Variants in MYO18B observed in about 807,000 individuals in gnomAD.
MYO18B encodes the protein myosin XVIIIB.
In MYO18B, 204 loss-of-function variants were observed where a neutral mutation model predicts 273.0. The observed-to-expected ratio is 0.75, with a 90% confidence interval of 0.67 to 0.84. The LOEUF (loss-of-function observed/expected upper bound fraction) is 0.84, where lower values mean the gene tolerates loss of function less well. Among genes scored for constraint, MYO18B ranks in the 40% least tolerant of loss-of-function variants. The pLI, the probability that MYO18B is intolerant of heterozygous loss-of-function variation, is 0.00. For missense variants in MYO18B, 3,212 were observed against 3,287.6 expected (o/e 0.98, Z 0.56); for synonymous variants, 1,330 against 1,305.7 (o/e 1.02, Z -0.40).
intron 1 of MYO18B, among the ~76,000 whole-genome samples, chr22:25,748,794 G>A (rs1466181789): frequency 3.9e-5 from 6 of 152,180 alleles, no homozygotes; most frequent in Non-Finnish European, 8.8e-5. Context: ...TTGTGAGCAC[G>A]GTCTGAATCC....
At position 25,961,915 on chromosome 22, in the gene MYO18B, C is replaced by T. The variant is rs142457615; in HGVS notation, c.6156+6551C>T. Among the ~76,000 whole-genome samples, 615 of 152,320 alleles carry T rather than the reference C, an allele frequency of 4.0e-3. 4 individuals are homozygous for T. The highest frequency in any genetic ancestry group is 0.014 in the African/African-American group (591 of 41,572). On this transcript the variant is annotated intron_variant, in intron 39 of 43. Transcript: ENST00000335473. ...AATGGCTGTTGAAAACAGCCTTCCA[C>T]TTCCTCCTCTCTGTCTTGCTTCTGC...
chr22:25,908,251 C>T (rs2092086525), intron 31 of MYO18B, 71 bp from the exon 32 acceptor site: 1 of 1,228,896 alleles, frequency 8.1e-7, no homozygotes, highest in African/African-American at 1.5e-5. Flanking sequence ...ATTGGAATGC[C>T]AAGGATGACA....
intron 33 of MYO18B, among the ~76,000 whole-genome samples, chr22:25,913,494 G>T (rs2092200833): frequency 1.3e-5 from 2 of 152,162 alleles, no homozygotes; most frequent in Non-Finnish European, 2.9e-5. Flanking sequence ...CTCCTGAGTA[G>T]CTGGGACTAC....
At position 25,990,716 on chromosome 22, in the gene MYO18B, AAAAAGAAAAAGAAAAAAAAAAAG is replaced by A. The variant is rs1569270809; in HGVS notation, c.6157-1645_6157-1623del. 8.4e-4 allele frequency among the ~76,000 whole-genome samples: 37 copies of A among 44,298 alleles called. 1 individual carries two copies. The highest frequency in any genetic ancestry group is 4.2e-3 in the African/African-American group (25 of 6,002). 29.1% of individuals were successfully genotyped at this position (44,298 alleles called of 152,430 possible). On this transcript the variant is annotated intron_variant, in intron 39 of 43. Coordinates refer to ENST00000335473, the MANE Select transcript of MYO18B (RefSeq NM_032608.7). Reference sequence around the variant, plus strand: ...AAAAAAAAAAAAAAAAAAAAAAAAAAAAAAGAAAAAGAAAAAAAAAAAGACTCCAGGCTAAGAGAGGGGCTGTG... The same window carrying A: ...AAAAAAAAAAAAAAAAAAAAAAAAAAACTCCAGGCTAAGAGAGGGGCTGTG...
chr22:25,963,678 A>G (rs1415730852), intron 39 of MYO18B, among the ~76,000 whole-genome samples: 1 of 151,420 alleles, frequency 6.6e-6, no homozygotes, highest in Non-Finnish European at 1.5e-5. Context: ...TGAAAAGAGC[A>G]TTGCGCTTGG....
intron 39 of MYO18B, among the ~76,000 whole-genome samples, chr22:25,969,526 T>A (rs1309978704): frequency 6.6e-6 from 1 of 152,196 alleles, no homozygotes; most frequent in African/African-American, 2.4e-5. Context: ...GCTTTGGGGC[T>A]ACAACAGCAG....
At chr22:25,962,356 T>C (rs2092927136) in intron 39 of MYO18B, among the ~76,000 whole-genome samples, 1 of 152,162 alleles carries the variant, frequency 6.6e-6, no homozygotes, top group Non-Finnish European at 1.5e-5. Flanking sequence ...AGAGAAGACT[T>C]TACTTGACTC....
chr22:26,063,181 A>G, the MYO18B span, among the ~76,000 whole-genome samples: 1 of 152,186 alleles, frequency 6.6e-6, no homozygotes, highest in African/African-American at 2.4e-5. Flanking sequence ...GACTTGAATG[A>G]TATTCAGATT....
chr22:25,935,753 C>T (rs1385060592), intron 34 of MYO18B, among the ~76,000 whole-genome samples: 2 of 152,148 alleles, frequency 1.3e-5, no homozygotes, highest in Admixed American at 1.3e-4. Flanking sequence ...CCTCCCTGTC[C>T]AGGTCATTTC....
At chr22:25,797,526 A>G (rs1216586120) in intron 11 of MYO18B, among the ~76,000 whole-genome samples, 2 of 152,146 alleles carry the variant, frequency 1.3e-5, no homozygotes, top group Non-Finnish European at 2.9e-5. Context: ...TAGACCCTAT[A>G]TGGCCTATGT....
chr22:25,766,577 A>T (rs1486810254), intron 3 of MYO18B, among the ~76,000 whole-genome samples: 1 of 152,150 alleles, frequency 6.6e-6, no homozygotes, highest in African/African-American at 2.4e-5. Context: ...AGGAGATAGA[A>T]GAGATATTTG....
chr22:26,003,370 C>G, intron 41 of MYO18B, 61 bp downstream of exon 41: 1 of 1,462,326 alleles, frequency 6.8e-7, no homozygotes, highest in East Asian at 2.4e-5. Flanking sequence ...CTCTCTCTGT[C>G]CAGTTTGCAG....
At chr22:25,824,491 A>G (rs1443816729) in intron 13 of MYO18B, among the ~76,000 whole-genome samples, 2 of 152,176 alleles carry the variant, frequency 1.3e-5, no homozygotes, top group East Asian at 3.9e-4. Flanking sequence ...CAAGGATGTG[A>G]TCTGCTGGGT....
intron 36 of MYO18B, 71 bp from the exon 37 acceptor site, chr22:25,950,296 C>A: frequency 7.5e-7 from 1 of 1,333,864 alleles, no homozygotes; most frequent in Non-Finnish European, 1.0e-6. Flanking sequence ...TAGGGATTTT[C>A]AGGGGTGGTT....
At chr22:25,788,514 A>G (rs1332176264) in intron 11 of MYO18B, among the ~76,000 whole-genome samples, 1 of 152,224 alleles carries the variant, frequency 6.6e-6, no homozygotes, top group Non-Finnish European at 1.5e-5. Flanking sequence ...GGAGTGGACC[A>G]CAAGCTGGTC....
chr22:25,780,053 C>A lies in MYO18B; in HGVS notation c.2069-3C>A. ...ACATGTGGCCCCATGCTGCCCCCAA[C>A]AGTGGAGAAGATCCGAGCCACCTTC... On this transcript the variant is annotated splice_region_variant and splice_polypyrimidine_tract_variant and intron_variant, in intron 8 of 43. Coordinates refer to ENST00000335473, the MANE Select transcript of MYO18B (RefSeq NM_032608.7). The A allele has an allele frequency of 6.3e-7, 1 of 1,586,386 alleles. No individual in the cohort carries two copies. Among genetic ancestry groups the A allele is most frequent in the Non-Finnish European group, 8.6e-7 (1 of 1,168,364 alleles).
chr22:25,957,579 A>G (rs1361183547), intron 39 of MYO18B, among the ~76,000 whole-genome samples: 1 of 152,212 alleles, frequency 6.6e-6, no homozygotes, highest in Non-Finnish European at 1.5e-5. Context: ...CACAAGCTGC[A>G]TAGCTTAAAA....
At chr22:25,894,061 C>T (rs1465337946) in intron 27 of MYO18B, among the ~76,000 whole-genome samples, 2 of 152,198 alleles carry the variant, frequency 1.3e-5, no homozygotes, top group Non-Finnish European at 2.9e-5. Context: ...AGTTATTGAG[C>T]ATTTACTATA....
chr22:25,959,190 C>G (rs2092888934), intron 39 of MYO18B: 1 of 151,748 alleles, frequency 6.6e-6, no homozygotes, highest in African/African-American at 2.4e-5. Context: ...CAGTTGGCAC[C>G]AAATCTCTCT....
Sources: allele counts gnomAD v4.1 joint callset (sites outside exome capture counted in the v4.1 genomes callset), GRCh38; gene constraint gnomAD v4.1.1; transcripts MANE v1.5; gene names NCBI Gene and HGNC (gene_info 2026-07-23, HGNC 2026-07-21).